The following EDDM13 variants were observed in gnomAD, a reference collection of about 807,000 sequenced individuals.
The protein encoded by EDDM13 is epididymal protein 13.
EDDM13 carries 24 observed loss-of-function variants against 17.8 expected under a neutral mutation model. The ratio of observed to expected loss-of-function variants is 1.35; its 90% CI spans 0.98 to 1.90. EDDM13 has a LOEUF of 1.90. Ranked by LOEUF, EDDM13 falls within the 40% of genes most tolerant of loss-of-function variation. EDDM13 has a pLI of 0.00. For missense variants in EDDM13, 97 were observed against 100.8 expected (o/e 0.96, Z 0.16); for synonymous variants, 31 against 37.5 (o/e 0.83, Z 0.63).
At chr19:56,278,129 T>C (rs2038406145) in intron 2 of EDDM13, among the ~76,000 whole-genome samples, 1 of 151,958 alleles carries the variant, frequency 6.6e-6, no homozygotes, top group African/African-American at 2.4e-5. Context: ...TTTATGTGTT[T>C]GTTTATTTTG....
At chr19:56,280,673 C>A (rs899068310) in intron 2 of EDDM13, 1 of 152,056 alleles carries the variant, frequency 6.6e-6, no homozygotes, top group African/African-American at 2.4e-5. Flanking sequence ...GGGTTGGCAT[C>A]TTGTGAGAGC....
At chr19:56,302,581 C>T (rs1342108691) in intron 13 of EDDM13, among the ~76,000 whole-genome samples, 4 of 39,990 alleles carry the variant, frequency 1.0e-4, no homozygotes, top group Non-Finnish European at 1.6e-4. Context: ...TTCTTCCTCC[C>T]CCTTTTCTTC....
At chr19:56,307,287 C>T (rs528689666) in intron 14 of EDDM13, among the ~76,000 whole-genome samples, 2 of 152,276 alleles carry the variant, frequency 1.3e-5, no homozygotes, top group East Asian at 3.9e-4. Context: ...AATGTCAACT[C>T]GATCATACGA....
chr19:56,292,967 T>C (rs2039617849), intron 9 of EDDM13, among the ~76,000 whole-genome samples: 3 of 152,300 alleles, frequency 2.0e-5, no homozygotes, highest in Non-Finnish European at 4.4e-5. Context: ...AATCATCCAC[T>C]GATTGAATTT....
chr19:56,284,397 G>A (rs1469397279), intron 5 of EDDM13, among the ~76,000 whole-genome samples, 191 bp downstream of exon 5: 1 of 151,984 alleles, frequency 6.6e-6, no homozygotes, highest in Non-Finnish European at 1.5e-5. Context: ...CTCATGCTTG[G>A]GTGATGGGAG....
rs1011275134 is a variant in EDDM13 at position 56,282,576 on chromosome 19, C to T, written c.118+77C>T. On this transcript the variant is annotated intron_variant, in intron 4 of 14. Coordinates refer to ENST00000649256, the MANE Select transcript of EDDM13 (RefSeq NM_001354658.2). ...AAAAGGGATCATTGCTGCTGAACTT[C>T]GACTTACGTTTCTTCTCTGGTCTGT... The T allele has an allele frequency of 1.6e-4, 143 of 893,100 alleles. 1 individual carries two copies. Among genetic ancestry groups the T allele is most frequent in the Admixed American group, 5.0e-4 (8 of 16,136 alleles). 55.3% of individuals were successfully genotyped at this position (893,100 alleles called of 1,614,324 possible). A position where few individuals can be genotyped will look rare whatever the true frequency, so the allele number is the denominator to read the frequency against.
At chr19:56,302,806 CCT>C (rs1158293708) in intron 13 of EDDM13, 7 of 398,544 alleles carry the variant, frequency 1.8e-5, no homozygotes, top group Admixed American at 4.4e-5. Flanking sequence ...ACTCATTCTG[CCT>C]CTCTCTCTGC....
At chr19:56,301,074 G>A (rs892704243) in intron 12 of EDDM13, among the ~76,000 whole-genome samples, 35 of 152,210 alleles carry the variant, frequency 2.3e-4, no homozygotes, top group Non-Finnish European at 1.0e-4. Context: ...TACCAGAAAG[G>A]GGTCCCGATC....
At chr19:56,284,267 C>CTGTAATTTTTTTTT in intron 5 of EDDM13, 61 bp downstream of exon 5, 1 of 754,676 alleles carries the variant, frequency 1.3e-6, no homozygotes, top group Non-Finnish European at 1.6e-6. Context: ...AAATTTTGGG[C>CTGTAATTTTTTTTT]TTTGCTCTAG....
chr19:56,284,866 CATGACTGAGGCATT>C, intron 5 of EDDM13, 118 bp from the exon 6 acceptor site: 1 of 242,918 alleles, frequency 4.1e-6, no homozygotes, highest in Non-Finnish European at 6.6e-6. Flanking sequence ...AATGAGGCAT[CATGACTGAGGCATT>C]ATAGCCACAC....
chr19:56,282,495 G>GA lies in EDDM13; in HGVS notation c.117dup (p.Gly40ArgfsTer32). ...CTGCTGCTTGTCTGCCAACAGTGCTGAAAGGTAAGCTTCTCATTCCATCTC... is the reference window on the plus strand; with the variant it reads ...CTGCTGCTTGTCTGCCAACAGTGCTGAAAAGGTAAGCTTCTCATTCCATCTC... On this transcript the variant is annotated frameshift_variant, in exon 4 of 15. Transcript: ENST00000649256. LOFTEE classifies it high-confidence loss of function. The GA allele has an allele frequency of 1.0e-6, 1 of 985,334 alleles. No homozygotes were observed. The highest frequency in any genetic ancestry group is 1.2e-6 in the Non-Finnish European group (1 of 829,902). The allele number at this position is 985,334 out of a possible 1,614,324, so 61.0% of individuals were successfully genotyped here.
chr19:56,302,734 C>T, intron 13 of EDDM13: 1 of 311,364 alleles, frequency 3.2e-6, no homozygotes, highest in Non-Finnish European at 5.8e-6. Flanking sequence ...CACCTCTAGA[C>T]TGGGATAAAA....
chr19:56,301,649 C>T (rs1461946249), intron 12 of EDDM13, among the ~76,000 whole-genome samples: 2 of 152,074 alleles, frequency 1.3e-5, no homozygotes, highest in Non-Finnish European at 2.9e-5. Context: ...TTACCCAGCC[C>T]CTATTCAAGA....
intron 6 of EDDM13, among the ~76,000 whole-genome samples, chr19:56,285,663 T>G (rs951475934): frequency 2.6e-5 from 4 of 152,216 alleles, no homozygotes; most frequent in South Asian, 2.1e-4. Flanking sequence ...GTATTTTTAG[T>G]AGAGACAGAA....
intron 1 of EDDM13, among the ~76,000 whole-genome samples, chr19:56,275,798 G>T (rs2038202439): frequency 6.6e-6 from 1 of 152,154 alleles, no homozygotes; most frequent in African/African-American, 2.4e-5. Flanking sequence ...ACAGAGCAGG[G>T]GCTGAATCTG....
intron 6 of EDDM13, among the ~76,000 whole-genome samples, chr19:56,286,224 G>A (rs1251092447): frequency 6.6e-6 from 1 of 151,986 alleles, no homozygotes; most frequent in Non-Finnish European, 1.5e-5. Flanking sequence ...GTTTCACCAT[G>A]TTGGCCAGGC....
chr19:56,273,532 T>C (rs551793904), intron 1 of EDDM13, among the ~76,000 whole-genome samples: 12 of 152,286 alleles, frequency 7.9e-5, no homozygotes, highest in East Asian at 7.7e-4. Context: ...GATTCGGAGA[T>C]GGCCTCTCTA....
At chr19:56,292,308 G>T (rs1312679956) in intron 9 of EDDM13, among the ~76,000 whole-genome samples, 2 of 152,282 alleles carry the variant, frequency 1.3e-5, no homozygotes, top group South Asian at 2.1e-4. Flanking sequence ...TTTAGAGACA[G>T]GATCTTGCTC....
intron 9 of EDDM13, chr19:56,295,027 T>A (rs1168969384): frequency 6.6e-6 from 1 of 152,132 alleles, no homozygotes; most frequent in Non-Finnish European, 1.5e-5. Flanking sequence ...GGCACCAGGT[T>A]TGGAGGCAAT....
Sources: gnomAD v4.1 joint callset for allele counts (sites outside exome capture counted in the v4.1 genomes callset) on GRCh38, gnomAD v4.1.1 for gene constraint, MANE v1.5 for transcripts, NCBI Gene and HGNC (gene_info 2026-07-23, HGNC 2026-07-21) for gene names.